Variants in CLIP2 observed in about 807,000 individuals in gnomAD.
The protein encoded by CLIP2 is CAP-Gly domain-containing linker protein 2.
CLIP2 carries 41 observed loss-of-function variants against 111.7 expected under a neutral mutation model. The ratio of observed to expected loss-of-function variants is 0.37; its 90% CI spans 0.29 to 0.48. The LOEUF (loss-of-function observed/expected upper bound fraction) is 0.48. Ranked by LOEUF, CLIP2 falls within the 20% of genes least tolerant of loss-of-function variation. The probability of loss-of-function intolerance (pLI) is 0.99; values close to 1 mark genes in which losing one functional copy is unlikely to be tolerated. For synonymous variants in CLIP2, 660 were observed against 644.2 expected, an observed-to-expected ratio of 1.02 and a Z score of -0.37; for missense variants, 1,160 against 1,422.1, an observed-to-expected ratio of 0.82 and a Z score of 2.96.
At chr7:74,395,988 G>A (rs1442607070) in intron 13 of CLIP2, among the ~76,000 whole-genome samples, 1 of 152,154 alleles carries the variant, frequency 6.6e-6, no homozygotes, top group African/African-American at 2.4e-5. Context: ...AAAGGGAAGG[G>A]AGCTGTGCCA....
rs185723511 is a variant in CLIP2 at position 74,340,339 on chromosome 7, T to A, written c.678+1335T>A. Among the ~76,000 whole-genome samples, 82 of 152,118 alleles carry A rather than the reference T, an allele frequency of 5.4e-4. 1 individual carries two copies. In the East Asian group the frequency reaches 0.016, roughly 29 times the overall value. Reference sequence around the variant, plus strand: ...TGAACCCAGGAGGCAGAGGTTTCAGTGAGCCGAGATCATGCCACTGCACTC... The same window carrying A: ...TGAACCCAGGAGGCAGAGGTTTCAGAGAGCCGAGATCATGCCACTGCACTC... On this transcript the variant is annotated intron_variant, in intron 3 of 16. Coordinates refer to ENST00000223398, the MANE Select transcript of CLIP2 (RefSeq NM_003388.5).
At chr7:74,379,247 T>C (rs1412161075) in intron 10 of CLIP2, among the ~76,000 whole-genome samples, 1 of 151,910 alleles carries the variant, frequency 6.6e-6, no homozygotes, top group African/African-American at 2.4e-5. Flanking sequence ...AAGGATTACT[T>C]GAACCCGGGA....
At chr7:74,402,731 G>A (rs1216120039) in intron 16 of CLIP2, among the ~76,000 whole-genome samples, 1 of 152,140 alleles carries the variant, frequency 6.6e-6, no homozygotes, top group African/African-American at 2.4e-5. Flanking sequence ...AGTTCTGACT[G>A]CAGAATCCCT....
chr7:74,386,613 CCCT>C lies in CLIP2; in HGVS notation c.2563+12_2563+14del. 1 of 1,599,226 alleles carries C rather than the reference CCCT, an allele frequency of 6.3e-7. No homozygotes were observed. The highest frequency in any genetic ancestry group is 2.3e-5 in the East Asian group (1 of 43,778). ...CAGGGCCCAAGTAAGTGGTAAGTCT[CCCT>C]CCCGCAGGGCAGATGCGGGGGGCTT... On this transcript the variant is annotated intron_variant, in intron 12 of 16. Coordinates refer to ENST00000223398, the MANE Select transcript of CLIP2 (RefSeq NM_003388.5).
intron 13 of CLIP2, among the ~76,000 whole-genome samples, chr7:74,392,678 T>G (rs1472271130): frequency 6.6e-6 from 1 of 151,782 alleles, no homozygotes; most frequent in African/African-American, 2.4e-5. Context: ...AATACAAAAA[T>G]TATCCAGGTA....
chr7:74,307,244 G>A (rs1243658690), intron 1 of CLIP2, among the ~76,000 whole-genome samples: 6 of 152,318 alleles, frequency 3.9e-5, no homozygotes, highest in South Asian at 4.1e-4. Context: ...GCAGGCGGAC[G>A]CTGTCCCCAG....
At chr7:74,347,655 C>T (rs1409638695) in intron 3 of CLIP2, among the ~76,000 whole-genome samples, 3 of 152,300 alleles carry the variant, frequency 2.0e-5, no homozygotes, top group Non-Finnish European at 4.4e-5. Context: ...ATGGAGATTA[C>T]AGGAAACTTC....
At chr7:74,354,056 T>C in intron 4 of CLIP2, 52 bp downstream of exon 4, 1 of 1,564,200 alleles carries the variant, frequency 6.4e-7, no homozygotes, top group Admixed American at 1.8e-5. Flanking sequence ...CTCCCCAGGG[T>C]GGGCGCAGGG....
At chr7:74,352,182 C>G (rs1005916386) in intron 3 of CLIP2, among the ~76,000 whole-genome samples, 8 of 152,098 alleles carry the variant, frequency 5.3e-5, no homozygotes, top group African/African-American at 1.7e-4. Context: ...ACACCTGTAT[C>G]CCAGCACTTT....
intron 8 of CLIP2, among the ~76,000 whole-genome samples, chr7:74,366,598 C>T (rs1790474466): frequency 6.6e-6 from 1 of 152,234 alleles, no homozygotes; most frequent in Non-Finnish European, 1.5e-5. Flanking sequence ...AAAATAAAGG[C>T]TGGGCGTGGT....
At chr7:74,394,038 G>A (rs917442562) in intron 13 of CLIP2, among the ~76,000 whole-genome samples, 1 of 152,142 alleles carries the variant, frequency 6.6e-6, no homozygotes, top group African/African-American at 2.4e-5. Context: ...ATGCCCCTCC[G>A]CTGAGTCTCG....
chr7:74,335,784 C>T (rs1371624166), intron 2 of CLIP2, among the ~76,000 whole-genome samples: 1 of 150,316 alleles, frequency 6.7e-6, no homozygotes. Context: ...ACTCTGTCGC[C>T]CAGGCTAGAG....
At chr7:74,292,649 A>G (rs1450022819) in intron 1 of CLIP2, among the ~76,000 whole-genome samples, 4 of 151,950 alleles carry the variant, frequency 2.6e-5, no homozygotes, top group Non-Finnish European at 5.9e-5. Flanking sequence ...TGACCTCCCA[A>G]ATTGCTGGGA....
chr7:74,315,815 G>A (rs1376812594), intron 1 of CLIP2, among the ~76,000 whole-genome samples: 1 of 150,992 alleles, frequency 6.6e-6, no homozygotes, highest in East Asian at 1.9e-4. Context: ...CAGGTGATCC[G>A]CCCACCTCAG....
At chr7:74,317,806 G>A in intron 2 of CLIP2, 139 bp downstream of exon 2, 1 of 1,116,274 alleles carries the variant, frequency 9.0e-7, no homozygotes, top group Non-Finnish European at 1.2e-6. Context: ...CCTGTAATGG[G>A]GCCTGATCAA....
chr7:74,348,622 T>C (rs1402745881), intron 3 of CLIP2, among the ~76,000 whole-genome samples: 2 of 151,828 alleles, frequency 1.3e-5, no homozygotes, highest in Non-Finnish European at 2.9e-5. Flanking sequence ...ACCCCGTCTC[T>C]ACTAAAAATA....
intron 1 of CLIP2, among the ~76,000 whole-genome samples, chr7:74,305,865 A>ACCCCCCCCCCCC (rs1788472143): frequency 1.2e-4 from 9 of 75,034 alleles, no homozygotes; most frequent in Non-Finnish European, 1.3e-4. Flanking sequence ...ACCCCCCCCC[A>ACCCCCCCCCCCC]CCGCCCCTGC....
chr7:74,386,874 T>G (rs954448843), intron 12 of CLIP2, among the ~76,000 whole-genome samples: 24 of 151,906 alleles, frequency 1.6e-4, no homozygotes, highest in African/African-American at 5.8e-4. Context: ...AATACAAAAA[T>G]TAGCCGGGCA....
At chr7:74,344,600 G>A (rs994027864) in intron 3 of CLIP2, among the ~76,000 whole-genome samples, 7 of 151,716 alleles carry the variant, frequency 4.6e-5, no homozygotes, top group Non-Finnish European at 5.9e-5. Context: ...TGGGGGTCTC[G>A]CTACATTCCT....
Sources: gnomAD v4.1 joint callset for allele counts (sites outside exome capture counted in the v4.1 genomes callset) on GRCh38, gnomAD v4.1.1 for gene constraint, MANE v1.5 for transcripts, NCBI Gene and HGNC (gene_info 2026-07-23, HGNC 2026-07-21) for gene names.